Variants in GALNT13 observed in about 807,000 individuals in gnomAD.
GALNT13 encodes the protein polypeptide N-acetylgalactosaminyltransferase 13.
A neutral mutation model predicts 64.2 loss-of-function variants in GALNT13; 28 were observed. That is an observed-to-expected ratio of 0.44 (90% CI 0.32 to 0.60). The LOEUF is 0.60. GALNT13 is among the 20% of genes least tolerant of loss of function. GALNT13 has a pLI of 0.05. For synonymous variants in GALNT13, 214 were observed against 224.6 expected, an observed-to-expected ratio of 0.95 and a Z score of 0.42; for missense variants, 577 against 669.8, an observed-to-expected ratio of 0.86 and a Z score of 1.53.
intron 11 of GALNT13, among the ~76,000 whole-genome samples, chr2:154,421,809 T>C (rs1700266810): frequency 1.3e-5 from 2 of 152,024 alleles, no homozygotes; most frequent in Admixed American, 6.6e-5. Context: ...ATATTTGTTA[T>C]AGATAGATAT....
rs1553484465 is a variant in GALNT13 at position 154,145,119 on chromosome 2, T to TACAC, written c.311+4619_311+4622dup. Among the ~76,000 whole-genome samples the TACAC allele has an allele frequency of 9.9e-3, 1,354 of 136,782 alleles. 87 individuals carry two copies. In the East Asian group the frequency reaches 0.19, roughly 19 times the overall value. The allele number at this position is 136,782 out of a possible 152,430, so 89.7% of individuals were successfully genotyped here. ...ATCTATCTATATATATATATATATA[T>TACAC]ACACACACTAAAAATTTACATATAA... On this transcript the variant is annotated intron_variant, in intron 4 of 12. Transcript: ENST00000392825.
At chr2:154,263,494 G>GT (rs1690812944) in intron 8 of GALNT13, among the ~76,000 whole-genome samples, 1 of 151,942 alleles carries the variant, frequency 6.6e-6, no homozygotes, top group Non-Finnish European at 1.5e-5. Flanking sequence ...TTTGATCATG[G>GT]TTAATCACAA....
intron 4 of GALNT13, among the ~76,000 whole-genome samples, chr2:154,232,090 A>G (rs2105847862): frequency 6.6e-6 from 1 of 152,092 alleles, no homozygotes; most frequent in African/African-American, 2.4e-5. Context: ...CTCTAGGCTT[A>G]TGCTGCCCTG....
At chr2:154,026,462 A>G (rs1045619706) in intron 3 of GALNT13, among the ~76,000 whole-genome samples, 2 of 152,164 alleles carry the variant, frequency 1.3e-5, no homozygotes, top group African/African-American at 4.8e-5. Context: ...TGCTGCCATC[A>G]CAGAATATCA....
At chr2:154,410,498 C>T (rs970598545) in intron 11 of GALNT13, among the ~76,000 whole-genome samples, 1 of 151,824 alleles carries the variant, frequency 6.6e-6, no homozygotes. Flanking sequence ...ATATCAAAGT[C>T]AGGGAAGAAC....
the GALNT13 span, among the ~76,000 whole-genome samples, chr2:153,243,349 G>T: frequency 1.1e-4 from 17 of 152,154 alleles, no homozygotes; most frequent in African/African-American, 4.1e-4. Context: ...TGGAGCATTA[G>T]ATTCTAGATA....
chr2:154,073,863 A>G (rs1700860296), intron 3 of GALNT13, among the ~76,000 whole-genome samples: 1 of 151,928 alleles, frequency 6.6e-6, no homozygotes, highest in Non-Finnish European at 1.5e-5. Context: ...ACAAAATAAC[A>G]TAACAAAAAC....
chr2:153,517,537 C>T, the GALNT13 span, among the ~76,000 whole-genome samples: 1 of 151,990 alleles, frequency 6.6e-6, no homozygotes, highest in Non-Finnish European at 1.5e-5. Flanking sequence ...GAACTAATGG[C>T]CAACACTGGA....
the GALNT13 span, among the ~76,000 whole-genome samples, chr2:153,152,082 G>A: frequency 6.6e-6 from 1 of 151,946 alleles, no homozygotes; most frequent in Non-Finnish European, 1.5e-5. Flanking sequence ...GCTTTCTGGG[G>A]AGAGCTAGTA....
the GALNT13 span, among the ~76,000 whole-genome samples, chr2:153,428,862 G>A: frequency 6.6e-6 from 1 of 152,128 alleles, no homozygotes; most frequent in Non-Finnish European, 1.5e-5. Context: ...GAGTTTGTGG[G>A]TTCAATCTTC....
At chr2:153,812,127 CAATT>C in the GALNT13 span, among the ~76,000 whole-genome samples, 1 of 152,286 alleles carries the variant, frequency 6.6e-6, no homozygotes, top group Admixed American at 6.5e-5. Context: ...CTGTCATCAA[CAATT>C]AGTTTTGCCT....
At chr2:153,750,461 G>A in the GALNT13 span, among the ~76,000 whole-genome samples, 2 of 151,566 alleles carry the variant, frequency 1.3e-5, no homozygotes, top group Admixed American at 6.6e-5. Context: ...CTGGGATTTT[G>A]TTTACTGGGA....
rs377179540 is a variant in GALNT13, at chr2:154,259,005, G to GT, written c.858-8dup. On this transcript the variant is annotated splice_polypyrimidine_tract_variant and intron_variant, in intron 7 of 12. Transcript: ENST00000392825. ...TTTCAAAAGATATTCTTTTCTTTTT[G>GT]TTTTTTTTCAACTAGGACCCCTACT... 5,743 of 1,316,974 alleles carry GT rather than the reference G, an allele frequency of 4.4e-3. 16 individuals carry two copies. The highest frequency in any genetic ancestry group is 5.5e-3 in the Non-Finnish European group (5,014 of 915,696). 81.6% of individuals were successfully genotyped at this position (1,316,974 alleles called of 1,614,324 possible).
intron 3 of GALNT13, among the ~76,000 whole-genome samples, chr2:154,107,250 T>C (rs1702669347): frequency 6.6e-6 from 1 of 152,102 alleles, no homozygotes; most frequent in East Asian, 1.9e-4. Flanking sequence ...TATAACAACA[T>C]GAAATAGATT....
intron 4 of GALNT13, among the ~76,000 whole-genome samples, chr2:154,193,829 C>T (rs1239641564): frequency 1.3e-5 from 2 of 152,168 alleles, no homozygotes; most frequent in Non-Finnish European, 2.9e-5. Flanking sequence ...CCTAGCCTCC[C>T]TAACCTCAAT....
At chr2:154,298,452 TATATATAC>T (rs1292653198) in intron 8 of GALNT13, among the ~76,000 whole-genome samples, 1 of 135,368 alleles carries the variant, frequency 7.4e-6, no homozygotes, top group Non-Finnish European at 1.5e-5. Flanking sequence ...ATATATAATT[TATATATAC>T]ATATATAAAT....
chr2:153,070,418 A>G, the GALNT13 span, among the ~76,000 whole-genome samples: 2 of 152,262 alleles, frequency 1.3e-5, no homozygotes, highest in East Asian at 3.9e-4. Flanking sequence ...TTTTTCAAAA[A>G]CCATAGAACT....
chr2:153,306,904 T>C, the GALNT13 span, among the ~76,000 whole-genome samples: 1 of 152,122 alleles, frequency 6.6e-6, no homozygotes, highest in Non-Finnish European at 1.5e-5. Flanking sequence ...GCTCAGCTAA[T>C]TTTTTCCTTT....
At chr2:154,061,266 G>A (rs1700167308) in intron 3 of GALNT13, among the ~76,000 whole-genome samples, 1 of 152,012 alleles carries the variant, frequency 6.6e-6, no homozygotes, top group African/African-American at 2.4e-5. Flanking sequence ...GTTGGGCTGA[G>A]TCCTTGACTG....
Sources: gnomAD v4.1 joint callset for allele counts (sites outside exome capture counted in the v4.1 genomes callset) on GRCh38, gnomAD v4.1.1 for gene constraint, MANE v1.5 for transcripts, NCBI Gene and HGNC (gene_info 2026-07-23, HGNC 2026-07-21) for gene names.